The following SPMIP4 variants were observed in gnomAD, a reference collection of about 807,000 sequenced individuals.
SPMIP4 encodes the protein sperm microtubule inner protein 4.
At chr7:25,160,697 C>G in the SPMIP4 span, among the ~76,000 whole-genome samples, 2 of 152,136 alleles carry the variant, frequency 1.3e-5, no homozygotes, top group Non-Finnish European at 2.9e-5. Flanking sequence ...GAAAAGAATA[C>G]CTTTAAGTGA....
the SPMIP4 span, among the ~76,000 whole-genome samples, chr7:25,137,690 T>G: frequency 3.9e-5 from 6 of 152,190 alleles, no homozygotes; most frequent in Admixed American, 1.3e-4. Context: ...CTCTGCAGCA[T>G]GTCTACCTCT....
chr7:25,146,070 A>G, the SPMIP4 span, among the ~76,000 whole-genome samples: 2 of 152,208 alleles, frequency 1.3e-5, no homozygotes, highest in South Asian at 4.1e-4. Flanking sequence ...AGATATTTTA[A>G]TTAATTCTAT....
chr7:25,142,936 T>C, the SPMIP4 span: 1 of 613,230 alleles, frequency 1.6e-6, no homozygotes, highest in South Asian at 3.4e-5. Flanking sequence ...GGTTTTTTTT[T>C]TGTCATTAAT....
At chr7:25,166,109 T>C in the SPMIP4 span, among the ~76,000 whole-genome samples, 1 of 152,156 alleles carries the variant, frequency 6.6e-6, no homozygotes, top group African/African-American at 2.4e-5. Flanking sequence ...ACTTCTTCCC[T>C]GATGAGGCCA....
chr7:25,159,069 G>T, the SPMIP4 span, among the ~76,000 whole-genome samples: 1 of 152,182 alleles, frequency 6.6e-6, no homozygotes, highest in Non-Finnish European at 1.5e-5. Flanking sequence ...AGATACAAGG[G>T]ATGACTACTT....
the SPMIP4 span, among the ~76,000 whole-genome samples, chr7:25,131,810 G>A: frequency 6.6e-6 from 1 of 152,202 alleles, no homozygotes; most frequent in Non-Finnish European, 1.5e-5. The surrounding 1 kb of genome is among the most constrained non-coding windows in gnomAD (Gnocchi z 4.2). Context: ...CAATTAGGAC[G>A]AACCCAGGCA....
the SPMIP4 span, among the ~76,000 whole-genome samples, chr7:25,155,784 C>G: frequency 6.6e-6 from 1 of 151,764 alleles, no homozygotes; most frequent in Admixed American, 6.6e-5. Context: ...TTAAAGAGAC[C>G]ATAGGGATAT....
At chr7:25,168,571 T>G in the SPMIP4 span, 1 of 944,094 alleles carries the variant, frequency 1.1e-6, no homozygotes, top group Non-Finnish European at 1.6e-6. Flanking sequence ...ATTTTCAGAT[T>G]AAATCTTCAG....
chr7:25,130,575 A>C, the SPMIP4 span, among the ~76,000 whole-genome samples: 1 of 152,098 alleles, frequency 6.6e-6, no homozygotes, highest in African/African-American at 2.4e-5. Flanking sequence ...CAGCCTCCCA[A>C]AGTGCTGGGA....
the SPMIP4 span, among the ~76,000 whole-genome samples, chr7:25,128,569 A>G: frequency 3.3e-5 from 5 of 152,200 alleles, no homozygotes; most frequent in African/African-American, 1.2e-4. This position sits in a 1 kb window ranked among gnomAD's most constrained non-coding sequence, Gnocchi z 4.5. Context: ...AAATGCTATT[A>G]GTCCCGAGTT....
chr7:25,137,247 C>T, the SPMIP4 span, among the ~76,000 whole-genome samples: 1 of 144,168 alleles, frequency 6.9e-6, no homozygotes. Context: ...CTCCTAAGAC[C>T]CTCCAAGACT....
the SPMIP4 span, among the ~76,000 whole-genome samples, chr7:25,147,486 A>G: frequency 3.9e-5 from 6 of 152,082 alleles, no homozygotes; most frequent in African/African-American, 1.4e-4. Flanking sequence ...GGGCCAGTCC[A>G]AAGAGGCAAA....
the SPMIP4 span, among the ~76,000 whole-genome samples, chr7:25,129,190 AGCAACAGAACTT>A: frequency 6.6e-6 from 1 of 152,218 alleles, no homozygotes; most frequent in African/African-American, 2.4e-5. Context: ...CTCCAAGCCC[AGCAACAGAACTT>A]GCCCAAGAAT....
the SPMIP4 span, among the ~76,000 whole-genome samples, chr7:25,145,781 T>A: frequency 2.6e-5 from 4 of 152,252 alleles, no homozygotes; most frequent in Non-Finnish European, 5.9e-5. Context: ...ATAACCTATT[T>A]AATAAACATT....
the SPMIP4 span, chr7:25,134,685 C>A: frequency 2.0e-6 from 2 of 985,878 alleles, no homozygotes; most frequent in Non-Finnish European, 2.4e-6. Flanking sequence ...GCAATCAAAA[C>A]CTCAAATTTT....
chr7:25,152,119 C>T, the SPMIP4 span, among the ~76,000 whole-genome samples: 1 of 152,194 alleles, frequency 6.6e-6, no homozygotes, highest in Non-Finnish European at 1.5e-5. Context: ...TGAGAGAGAT[C>T]TTAGGTAAAT....
At chr7:25,167,084 T>C in the SPMIP4 span, among the ~76,000 whole-genome samples, 4 of 152,368 alleles carry the variant, frequency 2.6e-5, no homozygotes, top group African/African-American at 7.2e-5. Context: ...CTAATTCTTA[T>C]AAAGTATTGT....
the SPMIP4 span, among the ~76,000 whole-genome samples, chr7:25,165,062 C>T: frequency 2.0e-5 from 3 of 152,204 alleles, no homozygotes; most frequent in East Asian, 1.9e-4. Context: ...TTTGCAATTG[C>T]GAATTGTGCT....
At chr7:25,164,501 G>A in the SPMIP4 span, among the ~76,000 whole-genome samples, 7 of 152,214 alleles carry the variant, frequency 4.6e-5, no homozygotes, top group South Asian at 1.5e-3. Context: ...GAACCACTAA[G>A]AGCTAAGATC....
Sources: allele counts gnomAD v4.1 joint callset (sites outside exome capture counted in the v4.1 genomes callset), GRCh38; gene constraint gnomAD v4.1.1; non-coding constraint Gnocchi (gnomAD v3.1); transcripts MANE v1.5; gene names NCBI Gene and HGNC (gene_info 2026-07-23, HGNC 2026-07-21).